RABGAP1L: variants seen among roughly 807,000 people sequenced by gnomAD.
RABGAP1L encodes rab GTPase-activating protein 1-like.
Under a neutral mutation model 137.7 loss-of-function variants are expected in RABGAP1L, and 63 were observed. The observed-to-expected ratio is 0.46, with a 90% CI of 0.37 to 0.56. The LOEUF is 0.56. Among genes scored for constraint, RABGAP1L ranks in the 20% least tolerant of loss-of-function variants. The pLI, the probability that RABGAP1L is intolerant of heterozygous loss-of-function variation, is 0.00. For synonymous variants in RABGAP1L, 431 were observed against 433.7 expected (o/e 0.99, Z 0.08); for missense variants, 1,095 against 1,244.0 (o/e 0.88, Z 1.80).
intron 19 of RABGAP1L, among the ~76,000 whole-genome samples, chr1:174,838,951 A>T (rs952179880): frequency 2.8e-5 from 4 of 142,658 alleles, no homozygotes; most frequent in African/African-American, 7.9e-5. Flanking sequence ...AAAAAAAAAA[A>T]AAATGACATG....
rs548149974 is a variant in RABGAP1L, at chr1:174,521,761, A to G, written c.1711-115614A>G. Reference sequence around the variant, plus strand: ...GCATCTTATACAACTCAGAAATTGGAAACACTAGGGCCTTTTGGAAGTAGG... The same window carrying G: ...GCATCTTATACAACTCAGAAATTGGGAACACTAGGGCCTTTTGGAAGTAGG... On this transcript the variant is annotated intron_variant, in intron 13 of 25. Transcript: ENST00000681986. Among the ~76,000 whole-genome samples the G allele has an allele frequency of 1.1e-3, 173 of 152,282 alleles. 1 individual carries two copies. The highest frequency in any genetic ancestry group is 1.8e-3 in the Non-Finnish European group (122 of 68,022).
At chr1:174,850,069 G>T (rs960847644) in intron 19 of RABGAP1L, 15 of 539,050 alleles carry the variant, frequency 2.8e-5, no homozygotes, top group African/African-American at 2.5e-4. Flanking sequence ...TTGGTAGAGG[G>T]GTGTCTGGGA....
intron 11 of RABGAP1L, among the ~76,000 whole-genome samples, chr1:174,339,654 T>C (rs999500015): frequency 6.6e-6 from 1 of 152,164 alleles, no homozygotes; most frequent in Admixed American, 6.5e-5. Context: ...TTGCCCAGGC[T>C]GGAGTGCAGT....
At chr1:174,409,979 G>A (rs1571669751) in intron 13 of RABGAP1L, among the ~76,000 whole-genome samples, 2 of 152,130 alleles carry the variant, frequency 1.3e-5, no homozygotes, top group Admixed American at 1.3e-4. Flanking sequence ...CCTTTGCCCT[G>A]TGATCTTTAT....
chr1:174,245,562 T>A (rs1424837887), intron 5 of RABGAP1L: 1 of 152,226 alleles, frequency 6.6e-6, no homozygotes, highest in Non-Finnish European at 1.5e-5. Flanking sequence ...TTGAGCTAGC[T>A]GTTTTAAAAA....
intron 13 of RABGAP1L, among the ~76,000 whole-genome samples, chr1:174,529,558 T>G (rs1459773463): frequency 6.6e-6 from 1 of 152,030 alleles, no homozygotes; most frequent in Admixed American, 6.6e-5. Context: ...TGCCTGTTCC[T>G]GGGCCTCAGA....
rs200353865 is a variant in RABGAP1L, at chr1:174,181,581, C to A, written c.-34+21924C>A. 3.9e-5 allele frequency among the ~76,000 whole-genome samples: 6 copies of A among 152,246 alleles called. No homozygotes were observed. The East Asian group carries it at 1.2e-3, about 29-fold the overall frequency. On this transcript the variant is annotated intron_variant, in intron 1 of 25. Coordinates refer to ENST00000681986, the MANE Select transcript of RABGAP1L (RefSeq NM_001366446.1). ...CTCGATCTCATGACCTCGTGATCTGCCCACCTCGGCCTCCCAAAGTGTTGG... is the reference window on the plus strand; with the variant it reads ...CTCGATCTCATGACCTCGTGATCTGACCACCTCGGCCTCCCAAAGTGTTGG...
At chr1:174,988,163 G>A (rs912393345) in intron 24 of RABGAP1L, among the ~76,000 whole-genome samples, 7 of 152,170 alleles carry the variant, frequency 4.6e-5, no homozygotes, top group African/African-American at 1.7e-4. Context: ...TCAACAACAG[G>A]ACATGTGCTT....
At position 174,763,650 on chromosome 1, in the gene RABGAP1L, C is replaced by CAAAAAAAAAAAA. The variant is rs1165876748; in HGVS notation, c.2211+11323_2211+11334dup. 3.8e-4 allele frequency among the ~76,000 whole-genome samples: 5 copies of CAAAAAAAAAAAA among 13,120 alleles called. 2 individuals carry two copies. Among genetic ancestry groups the CAAAAAAAAAAAA allele is most frequent in the Non-Finnish European group, 3.1e-4 (2 of 6,512 alleles). The allele number at this position is 13,120 out of a possible 152,430, so 8.6% of individuals were successfully genotyped here. On this transcript the variant is annotated intron_variant, in intron 18 of 25. Transcript: ENST00000681986. ...TGGGCGACAGAGCGAGACTCCGTCT[C>CAAAAAAAAAAAA]AAAAAAAAAAAAAAAAAAAAAAAAA...
chr1:174,267,715 A>C (rs900202789), intron 7 of RABGAP1L, among the ~76,000 whole-genome samples: 6 of 152,222 alleles, frequency 3.9e-5, no homozygotes, highest in African/African-American at 1.4e-4. Flanking sequence ...TTTTTTAAAT[A>C]ATTAAAATAC....
At chr1:174,225,417 T>C (rs1473559096) in intron 3 of RABGAP1L, among the ~76,000 whole-genome samples, 2 of 151,924 alleles carry the variant, frequency 1.3e-5, no homozygotes, top group African/African-American at 4.8e-5. Context: ...GTTTGTTGAG[T>C]AATTGGCTTG....
intron 1 of RABGAP1L, among the ~76,000 whole-genome samples, chr1:174,206,296 C>T (rs115773330): frequency 0.022 from 3,392 of 152,234 alleles, 60 homozygotes; most frequent in Middle Eastern, 0.088. Context: ...CTTTTCAGAG[C>T]TAGAGACATA....
intron 19 of RABGAP1L, among the ~76,000 whole-genome samples, chr1:174,918,466 T>C (rs996463804): frequency 6.6e-6 from 1 of 152,208 alleles, no homozygotes; most frequent in Non-Finnish European, 1.5e-5. Flanking sequence ...ATGGCAGTTA[T>C]GCTCACAGAA....
At chr1:174,962,194 A>AACCCC (rs1669186512) in intron 20 of RABGAP1L, among the ~76,000 whole-genome samples, 3 of 40,450 alleles carry the variant, frequency 7.4e-5, no homozygotes, top group African/African-American at 1.7e-4. Context: ...AAATAAAAAT[A>AACCCC]CACCCCCCCC....
intron 19 of RABGAP1L, among the ~76,000 whole-genome samples, chr1:174,838,917 C>CAAAAAAAAAAAAAAAA (rs58265128): frequency 1.8e-4 from 4 of 22,456 alleles, no homozygotes; most frequent in South Asian, 2.5e-3. Flanking sequence ...GACTCCGTCT[C>CAAAAAAAAAAAAAAAA]AAAAAAAAAA....
At chr1:174,309,410 A>G (rs911362155) in intron 11 of RABGAP1L, among the ~76,000 whole-genome samples, 14 of 152,060 alleles carry the variant, frequency 9.2e-5, no homozygotes, top group African/African-American at 3.4e-4. Flanking sequence ...AGTGGCAAGA[A>G]TAGGCATCCT....
intron 13 of RABGAP1L, among the ~76,000 whole-genome samples, chr1:174,540,240 G>A (rs1355726567): frequency 6.6e-6 from 1 of 152,134 alleles, no homozygotes; most frequent in Non-Finnish European, 1.5e-5. Flanking sequence ...CCATTCTGTA[G>A]GTTGCCTGTT....
intron 13 of RABGAP1L, among the ~76,000 whole-genome samples, chr1:174,478,427 T>A (rs1031076495): frequency 6.6e-6 from 1 of 151,886 alleles, no homozygotes; most frequent in African/African-American, 2.4e-5. Flanking sequence ...CACACTGCTA[T>A]GCCTGGCTAA....
intron 19 of RABGAP1L, 136 bp from the exon 20 acceptor site, chr1:174,957,321 G>T: frequency 1.5e-6 from 1 of 668,468 alleles, no homozygotes. Context: ...CCTCTACTCT[G>T]GAATCTCTAT....
Sources: allele counts gnomAD v4.1 joint callset (sites outside exome capture counted in the v4.1 genomes callset), GRCh38; gene constraint gnomAD v4.1.1; transcripts MANE v1.5; gene names NCBI Gene and HGNC (gene_info 2026-07-23, HGNC 2026-07-21).